The following SVEP1 variants were observed in gnomAD, a reference collection of about 807,000 sequenced individuals.
SVEP1 encodes the protein sushi, von Willebrand factor type A, EGF and pentraxin domain-containing protein 1.
SVEP1 carries 164 observed loss-of-function variants against 367.3 expected under a neutral mutation model. The observed-to-expected ratio is 0.45, with a 90% confidence interval of 0.39 to 0.51. The LOEUF (loss-of-function observed/expected upper bound fraction) is 0.51. Ranked by LOEUF, SVEP1 falls within the 20% of genes least tolerant of loss-of-function variation. SVEP1 has a pLI of 0.00. For synonymous variants in SVEP1, 1,666 were observed against 1,611.6 expected (o/e 1.03, Z -0.81); for missense variants, 4,117 against 4,425.3 (o/e 0.93, Z 1.98).
At chr9:110,393,031 G>A (rs971823096) in intron 40 of SVEP1, among the ~76,000 whole-genome samples, 14 of 152,144 alleles carry the variant, frequency 9.2e-5, no homozygotes, top group African/African-American at 2.4e-4. Context: ...ATTCTAACAT[G>A]TATAATAGCT....
intron 9 of SVEP1, among the ~76,000 whole-genome samples, chr9:110,488,317 G>A (rs146804898): frequency 1.2e-3 from 179 of 152,208 alleles, no homozygotes; most frequent in African/African-American, 4.0e-3. Flanking sequence ...AAAGAGATTC[G>A]AACTGGAAAT....
At chr9:110,533,290 C>A (rs1830042547) in intron 3 of SVEP1, among the ~76,000 whole-genome samples, 1 of 152,168 alleles carries the variant, frequency 6.6e-6, no homozygotes, top group Non-Finnish European at 1.5e-5. Flanking sequence ...ACATGCCTGG[C>A]CCTTTAGCAA....
intron 2 of SVEP1, 63 bp from the exon 3 acceptor site, chr9:110,546,354 G>C: frequency 6.7e-7 from 1 of 1,496,372 alleles, no homozygotes; most frequent in South Asian, 1.3e-5. Context: ...ACATTCTCTG[G>C]TCATTAAAAT....
chr9:110,411,731 T>A lies in SVEP1; in HGVS notation c.5980A>T (p.Thr1994Ser). The change falls in exon 37 of 48, where the codon ACT becomes TCT. Residue 1994 changes from threonine (T) to serine (S), a missense_variant. Around this residue, in one of 4 missense-constraint regions of SVEP1, gnomAD observed 2,174 missense variants for 2,494.3 expected, o/e 0.87. Coordinates refer to ENST00000374469, the MANE Select transcript of SVEP1 (RefSeq NM_153366.4). The stretch of plus-strand genomic sequence containing the variant: ...TCAATGGTGTCAAGACCAGCAAGAG[T>A]ATAGCTGTGAGGTTGGGAAGAAAGA... ...TVTYTCKEGYTLAGLDTIECL... is the reference protein window; with the variant it reads ...TVTYTCKEGYSLAGLDTIECL... 3.9e-6 allele frequency: 6 copies of A among 1,552,862 alleles called. No individual in the cohort carries two copies. Among genetic ancestry groups the A allele is most frequent in the Non-Finnish European group, 5.2e-6 (6 of 1,147,652 alleles).
chr9:110,483,634 T>G lies in SVEP1; in HGVS notation c.1990A>C (p.Lys664Gln). 6.2e-7 allele frequency: 1 copy of G among 1,612,594 alleles called. No homozygotes were observed. The highest frequency in any genetic ancestry group is 8.5e-7 in the Non-Finnish European group (1 of 1,179,200). The change falls in exon 10 of 48, where the codon AAG (lysine) becomes CAG (glutamine). Residue 664 changes from lysine to glutamine, a missense_variant. Physicochemically the swap from Lys to Gln is moderately conservative, Grantham distance 53. This residue lies in a region of SVEP1 where 2,174 missense variants were observed against 2,494.3 expected (regional missense o/e 0.87). Coordinates refer to ENST00000374469, the MANE Select transcript of SVEP1 (RefSeq NM_153366.4). ...TCATCCCAGCTTGCGGCATGTACCT[T>G]CTCCGAGACCTGGACGGGAGGTGGA... ...RSPPPVQVSE[K>Q]VHAASWDEPQ... is the part of the protein sequence containing the mutation.
rs199993986 is a variant in SVEP1, at chr9:110,511,488, C to CTTTTTTTTTTTTTTTTTTTTTTTTTTTT, written c.1303+1410_1303+1437dup. ...CTAGGTCCATTCATTGTGTCAGTAC[C>CTTTTTTTTTTTTTTTTTTTTTTTTTTTT]TTTTTTTTTTTTTTTTTTTTTTTTT... On this transcript the variant is annotated intron_variant, in intron 5 of 47. Coordinates refer to ENST00000374469, the MANE Select transcript of SVEP1 (RefSeq NM_153366.4). Among the ~76,000 whole-genome samples the CTTTTTTTTTTTTTTTTTTTTTTTTTTTT allele has an allele frequency of 1.2e-4, 9 of 77,576 alleles. 1 individual carries two copies. Among genetic ancestry groups the CTTTTTTTTTTTTTTTTTTTTTTTTTTTT allele is most frequent in the African/African-American group, 1.8e-4 (4 of 22,266 alleles). 50.9% of individuals were successfully genotyped at this position (77,576 alleles called of 152,430 possible).
intron 9 of SVEP1, among the ~76,000 whole-genome samples, chr9:110,485,116 T>C (rs990778351): frequency 6.6e-6 from 1 of 152,174 alleles, no homozygotes; most frequent in African/African-American, 2.4e-5. Flanking sequence ...ATCATTCTGT[T>C]ACAAAGATAC....
intron 1 of SVEP1, among the ~76,000 whole-genome samples, chr9:110,564,621 G>A (rs1667308214): frequency 6.6e-6 from 1 of 152,004 alleles, no homozygotes; most frequent in Admixed American, 6.6e-5. Context: ...ACATTTATTA[G>A]CATTCCAAAT....
Position 110,429,255 on chromosome 9 carries a change from C to T in SVEP1, c.5695G>A (p.Val1899Met), listed in dbSNP as rs753992247. ...ANSSWSHSPP[V>M]CEPVKCSSPE... ...CTAGAACACTTCACTGGTTCACACA[C>T]AGGAGGGGAATGACTCCAAGAACTG... The change falls in exon 35 of 48, where the codon GTG becomes ATG. Residue 1899 changes from valine to methionine, a missense_variant. Around this residue, in one of 4 missense-constraint regions of SVEP1, gnomAD observed 2,174 missense variants for 2,494.3 expected, o/e 0.87. Transcript: ENST00000374469. 12 of 1,596,962 alleles carry T rather than the reference C, an allele frequency of 7.5e-6. No homozygotes were observed. The highest frequency in any genetic ancestry group is 1.0e-5 in the Non-Finnish European group (12 of 1,171,140).
Position 110,385,959 on chromosome 9 carries a change from G to T in SVEP1, c.10176C>A (p.Gly3392=), listed in dbSNP as rs10817003. ...CGGGGTTGCAGGTAATGATGCCGTG[G>T]CCCTGCAGCAGAAAACCTTCCCTAC... ...IKCREGFLLQ[G]HGIITCNPDE... The change falls in exon 43 of 48, where the codon GGC becomes GGA. Residue 3392 remains glycine (G), a synonymous_variant. Coordinates refer to ENST00000374469, the MANE Select transcript of SVEP1 (RefSeq NM_153366.4). 2.0e-5 allele frequency: 32 copies of T among 1,613,768 alleles called. No homozygotes were observed. The highest frequency in any genetic ancestry group is 2.5e-5 in the Non-Finnish European group (30 of 1,179,796).
intron 13 of SVEP1, among the ~76,000 whole-genome samples, chr9:110,478,853 A>G (rs116878310): frequency 0.027 from 4,041 of 152,254 alleles, 83 homozygotes; most frequent in South Asian, 0.041. Context: ...ACAAATATGT[A>G]TCTAGCATGG....
chr9:110,516,729 G>T (rs2118784034), intron 3 of SVEP1, among the ~76,000 whole-genome samples: 1 of 152,270 alleles, frequency 6.6e-6, no homozygotes, highest in East Asian at 1.9e-4. Flanking sequence ...CATTGGGCCA[G>T]TAAAAAGAAG....
intron 3 of SVEP1, among the ~76,000 whole-genome samples, chr9:110,530,008 T>C (rs1829997582): frequency 3.2e-5 from 1 of 31,306 alleles, no homozygotes; most frequent in Non-Finnish European, 8.8e-5. Flanking sequence ...CATATGGCTT[T>C]TATATTTTGT....
intron 37 of SVEP1, among the ~76,000 whole-genome samples, chr9:110,409,872 T>TTGGTTATGCATTGCTTG (rs1564134940): frequency 6.6e-6 from 1 of 151,800 alleles, no homozygotes; most frequent in African/African-American, 2.4e-5. Flanking sequence ...ATTACTCATT[T>TTGGTTATGCATTGCTTG]TGTTTATGCA....
chr9:110,474,737 T>C (rs1364483007), intron 14 of SVEP1, among the ~76,000 whole-genome samples: 2 of 152,192 alleles, frequency 1.3e-5, no homozygotes, highest in Admixed American at 1.3e-4. Flanking sequence ...ATTTCCAAAA[T>C]GTTCACTAAA....
chr9:110,394,223 T>C (rs71495123), intron 40 of SVEP1, among the ~76,000 whole-genome samples: 125,697 of 151,424 alleles, frequency 0.83, 53,247 homozygotes, highest in African/African-American at 0.94. Flanking sequence ...CTGCACCCTC[T>C]GCTGCTGATA....
At chr9:110,558,412 G>T (rs1830381083) in intron 1 of SVEP1, among the ~76,000 whole-genome samples, 1 of 150,674 alleles carries the variant, frequency 6.6e-6, no homozygotes, top group South Asian at 2.1e-4. Context: ...TACTTGGGTG[G>T]CTGAGGTGGG....
Position 110,529,511 on chromosome 9 carries a change from T to C in SVEP1, c.965-15405A>G, listed in dbSNP as rs892392156. On this transcript the variant is annotated intron_variant, in intron 3 of 47. Transcript: ENST00000374469. ...TTAATAAGCATCGGATGTTCTTCCA[T>C]TTGTTTGTGTCATCTATGGTTTCTT... is the stretch of plus-strand genomic sequence containing the variant. Among the ~76,000 whole-genome samples, 53 of 152,186 alleles carry C rather than the reference T, an allele frequency of 3.5e-4. 1 individual carries two copies. The highest frequency in any genetic ancestry group is 8.8e-5 in the Non-Finnish European group (6 of 68,022).
At chr9:110,409,096 C>T in intron 37 of SVEP1, 145 bp from the exon 38 acceptor site, 2 of 937,730 alleles carry the variant, frequency 2.1e-6, no homozygotes, top group Non-Finnish European at 3.0e-6. Flanking sequence ...TATGGTTTTT[C>T]CAATAGATCC....
Sources: gnomAD v4.1 joint callset for allele counts (sites outside exome capture counted in the v4.1 genomes callset) on GRCh38, gnomAD v4.1.1 for gene constraint, gnomAD v4.1.1 regional missense constraint, MANE v1.5 for transcripts, NCBI Gene and HGNC (gene_info 2026-07-23, HGNC 2026-07-21) for gene names.